CECR2: variants seen among roughly 807,000 people sequenced by gnomAD.
CECR2 encodes the protein CECR2 histone acetyl-lysine reader, also known as chromatin remodeling regulator CECR2.
CECR2 carries 30 observed loss-of-function variants against 154.5 expected under a neutral mutation model. The ratio of observed to expected loss-of-function variants is 0.19; its 90% CI spans 0.15 to 0.26. The LOEUF is 0.26. Among genes scored for constraint, CECR2 ranks in the 10% least tolerant of loss-of-function variants. The pLI is 1.00. For missense variants in CECR2, 1,743 were observed against 1,829.3 expected (o/e 0.95, Z 0.86); for synonymous variants, 725 against 683.7 (o/e 1.06, Z -0.94).
At chr22:17,409,124 G>GT (rs201779763) in intron 1 of CECR2, among the ~76,000 whole-genome samples, 8,674 of 150,518 alleles carry the variant, frequency 0.058, 541 homozygotes, top group African/African-American at 0.15. Flanking sequence ...TTGTTTTCTT[G>GT]TTTTTTTTTG....
At position 17,548,461 on chromosome 22, in the gene CECR2, T is replaced by G. The variant is rs1429782810; in HGVS notation, c.3174T>G (p.Ile1058Met). Residue 1058 changes from isoleucine to methionine, a missense_variant, in exon 17 of 19, where the codon ATT becomes ATG. Physicochemically the swap from Ile to Met is conservative, Grantham distance 10. Transcript: ENST00000262608. ...GCGCTCTATCCGAGAACGGAGTCAT[T>G]GGGGAAGCATCTCCTTGTGGATCGG... is the stretch of plus-strand genomic sequence containing the variant. Reference protein sequence around the residue: ...DRGALSENGVIGEASPCGSEG... With the variant: ...DRGALSENGVMGEASPCGSEG... The G allele has an allele frequency of 1.2e-6, 2 of 1,613,678 alleles. No individual in the cohort carries two copies. Among genetic ancestry groups the G allele is most frequent in the African/African-American group, 2.7e-5 (2 of 74,870 alleles).
At chr22:17,370,553 C>T (rs1310890154) in intron 1 of CECR2, among the ~76,000 whole-genome samples, 2 of 152,208 alleles carry the variant, frequency 1.3e-5, no homozygotes, top group Non-Finnish European at 2.9e-5. Flanking sequence ...AGCGTCCTTC[C>T]TCCCGTAATA....
intron 1 of CECR2, chr22:17,419,543 GGAA>G (rs1393765170): frequency 1.5e-4 from 31 of 202,632 alleles, no homozygotes; most frequent in African/African-American, 9.6e-4. Flanking sequence ...AAGAGGAAGA[GGAA>G]GAGGAGGAGG....
At chr22:17,471,265 A>G (rs1328691142) in intron 1 of CECR2, among the ~76,000 whole-genome samples, 1 of 152,176 alleles carries the variant, frequency 6.6e-6, no homozygotes, top group Non-Finnish European at 1.5e-5. Flanking sequence ...TCCATCTGGT[A>G]TCTGAGGCTG....
chr22:17,489,970 C>T (rs1486566406), intron 2 of CECR2, among the ~76,000 whole-genome samples: 2 of 150,252 alleles, frequency 1.3e-5, no homozygotes, highest in East Asian at 3.9e-4. Flanking sequence ...CCCTAAAAAA[C>T]TTGTAAATTT....
At chr22:17,390,336 A>G (rs2063313311) in intron 1 of CECR2, among the ~76,000 whole-genome samples, 2 of 152,232 alleles carry the variant, frequency 1.3e-5, no homozygotes, top group Admixed American at 6.5e-5. Flanking sequence ...CTTGGTGCAT[A>G]GTATCAGCAG....
At chr22:17,532,932 G>A (rs1822502501) in intron 9 of CECR2, among the ~76,000 whole-genome samples, 1 of 151,300 alleles carries the variant, frequency 6.6e-6, no homozygotes, top group African/African-American at 2.4e-5. Flanking sequence ...TGTTGGTCAG[G>A]CTGTTCTTGA....
At chr22:17,495,226 C>CT (rs2055602005) in intron 2 of CECR2, among the ~76,000 whole-genome samples, 1 of 152,084 alleles carries the variant, frequency 6.6e-6, no homozygotes, top group Non-Finnish European at 1.5e-5. Context: ...TGTAAAATAA[C>CT]CATCTAACAA....
At chr22:17,463,359 C>T (rs570324671) in intron 1 of CECR2, among the ~76,000 whole-genome samples, 2 of 149,720 alleles carry the variant, frequency 1.3e-5, no homozygotes, top group Non-Finnish European at 2.9e-5. Flanking sequence ...ACTCACGTTT[C>T]GAAGGCTCAC....
At chr22:17,543,036 CTCT>C (rs1432879738) in intron 16 of CECR2, 33 bp downstream of exon 16, 7 of 1,555,530 alleles carry the variant, frequency 4.5e-6, no homozygotes, top group Non-Finnish European at 5.2e-6. Flanking sequence ...GCTCTTTAAG[CTCT>C]TGTTTCATGA....
intron 1 of CECR2, among the ~76,000 whole-genome samples, chr22:17,378,325 T>C (rs1364188860): frequency 4.6e-5 from 6 of 131,610 alleles, no homozygotes; most frequent in African/African-American, 1.2e-4. Context: ...GAGACGGAGT[T>C]TTGCTCTGTT....
chr22:17,424,207 G>A (rs1422739668), intron 1 of CECR2, among the ~76,000 whole-genome samples: 4 of 151,828 alleles, frequency 2.6e-5, no homozygotes. Flanking sequence ...CCAAGTGCTG[G>A]GCTTACAGGT....
chr22:17,463,726 G>C (rs999257371), intron 1 of CECR2, among the ~76,000 whole-genome samples: 2 of 152,088 alleles, frequency 1.3e-5, no homozygotes. Flanking sequence ...ACTGGGATAA[G>C]GGGACTCCGG....
chr22:17,540,290 CTATT>C, intron 13 of CECR2, 118 bp from the exon 14 acceptor site: 1 of 911,464 alleles, frequency 1.1e-6, no homozygotes, highest in Non-Finnish European at 1.5e-6. Flanking sequence ...GTTGCATCTT[CTATT>C]TATTAGAATT....
intron 1 of CECR2, among the ~76,000 whole-genome samples, chr22:17,413,870 G>A (rs1486501002): frequency 2.0e-5 from 3 of 149,432 alleles, no homozygotes; most frequent in Non-Finnish European, 4.4e-5. Context: ...GTAGAGACAG[G>A]GTTTCACCAT....
chr22:17,421,866 A>C (rs1436465224), intron 1 of CECR2, among the ~76,000 whole-genome samples: 2 of 140,976 alleles, frequency 1.4e-5, no homozygotes, highest in East Asian at 2.7e-4. Context: ...AAAAAACAAA[A>C]AAAACTTTTT....
intron 1 of CECR2, among the ~76,000 whole-genome samples, chr22:17,400,688 T>C (rs1304514400): frequency 6.6e-6 from 1 of 152,202 alleles, no homozygotes; most frequent in Non-Finnish European, 1.5e-5. Flanking sequence ...AATACCTTGC[T>C]GCTTATCCAG....
chr22:17,515,103 G>A (rs2056028083), intron 8 of CECR2, among the ~76,000 whole-genome samples: 1 of 151,926 alleles, frequency 6.6e-6, no homozygotes, highest in Non-Finnish European at 1.5e-5. Context: ...TGTCATTTAG[G>A]TAAAATTGTA....
chr22:17,483,069 A>G (rs2055356970), intron 2 of CECR2, among the ~76,000 whole-genome samples: 1 of 152,184 alleles, frequency 6.6e-6, no homozygotes, highest in Admixed American at 6.5e-5. Flanking sequence ...GTTACAGGAG[A>G]TGACAGCACC....
Sources: allele counts gnomAD v4.1 joint callset (sites outside exome capture counted in the v4.1 genomes callset), GRCh38; gene constraint gnomAD v4.1.1; transcripts MANE v1.5; gene names NCBI Gene and HGNC (gene_info 2026-07-23, HGNC 2026-07-21).